The following LGALS16 variants were observed in gnomAD, a reference collection of about 807,000 sequenced individuals.
LGALS16 encodes the protein galectin 16.
LGALS16 carries 15 observed loss-of-function variants against 13.2 expected under a neutral mutation model. That is an observed-to-expected ratio of 1.13 (90% confidence interval 0.76 to 1.75). The LOEUF (loss-of-function observed/expected upper bound fraction) is 1.75. Ranked by LOEUF, LGALS16 falls within the 40% of genes most tolerant of loss-of-function variation. The pLI is 0.00. For synonymous variants in LGALS16, 66 were observed against 65.4 expected (o/e 1.01, Z -0.05); for missense variants, 198 against 178.4 (o/e 1.11, Z -0.63).
chr19:39,656,209 A>C (rs1973192923), intron 1 of LGALS16, among the ~76,000 whole-genome samples: 1 of 152,130 alleles, frequency 6.6e-6, no homozygotes, highest in Non-Finnish European at 1.5e-5. Flanking sequence ...ATCTGATGAG[A>C]GTGAACTCTG....
At position 39,660,379 on chromosome 19, in the gene LGALS16, A is replaced by G. The variant is rs1434117594; in HGVS notation, c.304-16A>G. 9.7e-6 allele frequency: 15 copies of G among 1,540,320 alleles called. No individual in the cohort carries two copies. Among genetic ancestry groups the G allele is most frequent in the Non-Finnish European group, 1.3e-5 (15 of 1,147,934 alleles). On this transcript the variant is annotated splice_polypyrimidine_tract_variant and intron_variant, in intron 3 of 3. Transcript: ENST00000392051. ...GGGTGGCATACTGTCTTTCTGATGC[A>G]TTTTTCCTCTTAAAGGTAAAGGTAA...
chr19:39,660,447 C>T lies in LGALS16; in HGVS notation c.356C>T (p.Ser119Leu). The change falls in exon 4 of 4, where the codon TCA becomes TTA. Residue 119 changes from serine to leucine, a missense_variant. Coordinates refer to ENST00000392051, the MANE Select transcript of LGALS16 (RefSeq NM_001190441.3). ...GCCTTTGTCCATCGAATCCCGCCAT[C>T]ATATGTGAAGATGATTCAAGTGTGG... The part of the protein sequence containing the change: ...IYAFVHRIPP[S>L]YVKMIQVWRD... 1 of 1,542,170 alleles carries T rather than the reference C, an allele frequency of 6.5e-7. No homozygotes were observed.
At chr19:39,657,810 C>T in intron 1 of LGALS16, 73 bp from the exon 2 acceptor site, 1 of 1,540,296 alleles carries the variant, frequency 6.5e-7, no homozygotes, top group Non-Finnish European at 8.9e-7. Context: ...CCTCCTGCAC[C>T]ATGGGAATAT....
Position 39,660,379 on chromosome 19 carries a change from AT to A in LGALS16, c.304-11del. 1 of 1,540,434 alleles carries A rather than the reference AT, an allele frequency of 6.5e-7. No homozygotes were observed. On this transcript the variant is annotated splice_polypyrimidine_tract_variant and intron_variant, in intron 3 of 3. Coordinates refer to ENST00000392051, the MANE Select transcript of LGALS16 (RefSeq NM_001190441.3). ...GGGTGGCATACTGTCTTTCTGATGC[AT>A]TTTTCCTCTTAAAGGTAAAGGTAAA...
At chr19:39,659,231 A>G (rs1045171643) in intron 3 of LGALS16, among the ~76,000 whole-genome samples, 3 of 151,664 alleles carry the variant, frequency 2.0e-5, no homozygotes, top group South Asian at 2.1e-4. Context: ...TCCCAAGTAG[A>G]TGGGATTACA....
chr19:39,657,908 T>C lies in LGALS16; in HGVS notation c.41T>C (p.Leu14Ser). 6.2e-7 allele frequency: 1 copy of C among 1,614,044 alleles called. No individual in the cohort carries two copies. The highest frequency in any genetic ancestry group is 1.1e-5 in the South Asian group (1 of 91,088). ...GTGCCATACAAACTGCCTGTGTCTT[T>C]GTCTGTTGGTTCCTGCGTGATAATC... ...LTVPYKLPVSLSVGSCVIIKG... is the reference protein window; with the variant it reads ...LTVPYKLPVSSSVGSCVIIKG... The change falls in exon 2 of 4, where the codon TTG (leucine) becomes TCG (serine). Residue 14 changes from leucine to serine, a missense_variant. Coordinates refer to ENST00000392051, the MANE Select transcript of LGALS16 (RefSeq NM_001190441.3).
Position 39,656,014 on chromosome 19 carries a change from C to G in LGALS16, c.15+38C>G, listed in dbSNP as rs780562473. ...GGCACAGCCTTCAATAATCTCAAGT[C>G]ACACAAAACCAAGAAAGATGTGGGG... On this transcript the variant is annotated intron_variant, in intron 1 of 3. Coordinates refer to ENST00000392051, the MANE Select transcript of LGALS16 (RefSeq NM_001190441.3). 3.1e-6 allele frequency: 5 copies of G among 1,605,812 alleles called. No individual in the cohort carries two copies. In the African/African-American group the frequency reaches 6.7e-5, roughly 21 times the overall value.
intron 1 of LGALS16, 130 bp from the exon 2 acceptor site, chr19:39,657,753 G>A: frequency 1.0e-6 from 1 of 1,001,230 alleles, no homozygotes; most frequent in South Asian, 1.4e-5. Flanking sequence ...CCTGACTGTG[G>A]TAGAGTGAAT....
In LGALS16 at chr19:39,658,049, G is replaced by A. The variant is rs117673731; in HGVS notation, c.92+90G>A. The A allele has an allele frequency of 3.9e-4, 578 of 1,493,478 alleles. 3 individuals carry two copies. In the African/African-American group the frequency reaches 6.7e-3, roughly 17 times the overall value. 92.5% of individuals were successfully genotyped at this position (1,493,478 alleles called of 1,614,324 possible). A position where few individuals can be genotyped will look rare whatever the true frequency, so the allele number is the denominator to read the frequency against. On this transcript the variant is annotated intron_variant, in intron 2 of 3. Transcript: ENST00000392051. ...CCTTATGTGTGGGTGATGTGGAAAT[G>A]TCTAATTGGCAGGATGGAGGCCCCA...
intron 1 of LGALS16, among the ~76,000 whole-genome samples, chr19:39,656,519 T>A (rs145553508): frequency 1.3e-5 from 2 of 152,128 alleles, no homozygotes; most frequent in Admixed American, 6.5e-5. Flanking sequence ...ACAACAGCAC[T>A]TCTGATGAAG....
At chr19:39,658,327 C>A (rs747510110) in intron 2 of LGALS16, 133 bp from the exon 3 acceptor site, 6 of 778,638 alleles carry the variant, frequency 7.7e-6, no homozygotes, top group Non-Finnish European at 1.1e-5. Flanking sequence ...AGCATCCCCA[C>A]AGGGACCAGG....
Position 39,655,945 on chromosome 19 carries a change from C to T in LGALS16, c.-17C>T. 6.2e-7 allele frequency: 1 copy of T among 1,613,474 alleles called. No individual in the cohort carries two copies. Among genetic ancestry groups the T allele is most frequent in the Non-Finnish European group, 8.5e-7 (1 of 1,179,826 alleles). On this transcript the variant is annotated 5_prime_UTR_variant, in exon 1 of 4. Transcript: ENST00000392051. Reference sequence around the variant, plus strand: ...AGACTGGACACAATTCCGAAGGTCGCCCAGAAGGAGAGGACAATGTCATTT... The same window carrying T: ...AGACTGGACACAATTCCGAAGGTCGTCCAGAAGGAGAGGACAATGTCATTT...
chr19:39,658,388 T>G, intron 2 of LGALS16, 72 bp from the exon 3 acceptor site: 1 of 1,257,684 alleles, frequency 8.0e-7, no homozygotes, highest in Non-Finnish European at 1.1e-6. Context: ...GGGGAAGGGA[T>G]TTGTGTGCGT....
At chr19:39,657,785 C>T (rs777421064) in intron 1 of LGALS16, 98 bp from the exon 2 acceptor site, 40 of 1,346,858 alleles carry the variant, frequency 3.0e-5, no homozygotes, top group Non-Finnish European at 4.2e-5. Flanking sequence ...ACAGAGCCTG[C>T]CCTGTGATCT....
chr19:39,659,066 C>T (rs1282513114), intron 3 of LGALS16, among the ~76,000 whole-genome samples: 4 of 151,894 alleles, frequency 2.6e-5, no homozygotes, highest in Non-Finnish European at 4.4e-5. Flanking sequence ...AATAACATTA[C>T]CAGAGCTCTG....
rs755042233 is a variant in LGALS16, at chr19:39,660,546, C to T, written c.*26C>T. Reference sequence around the variant, plus strand: ...TCACACTCCTCATTGTTGAGGAAACCCTCTTTCTACCTGACCATGGGATTC... The same window carrying T: ...TCACACTCCTCATTGTTGAGGAAACTCTCTTTCTACCTGACCATGGGATTC... On this transcript the variant is annotated 3_prime_UTR_variant, in exon 4 of 4. Coordinates refer to ENST00000392051, the MANE Select transcript of LGALS16 (RefSeq NM_001190441.3). The T allele has an allele frequency of 9.7e-6, 15 of 1,543,082 alleles. No homozygotes were observed. The highest frequency in any genetic ancestry group is 9.4e-5 in the South Asian group (8 of 84,896).
In LGALS16 at chr19:39,660,373, T is replaced by C. The variant is rs1481341941; in HGVS notation, c.304-22T>C. On this transcript the variant is annotated intron_variant, in intron 3 of 3. Coordinates refer to ENST00000392051, the MANE Select transcript of LGALS16 (RefSeq NM_001190441.3). ...CTTGTTGGGTGGCATACTGTCTTTCTGATGCATTTTTCCTCTTAAAGGTAA... is the reference window on the plus strand; with the variant it reads ...CTTGTTGGGTGGCATACTGTCTTTCCGATGCATTTTTCCTCTTAAAGGTAA... 4 of 1,540,156 alleles carry C rather than the reference T, an allele frequency of 2.6e-6. No homozygotes were observed. In the East Asian group the frequency reaches 7.3e-5, roughly 28 times the overall value.
rs767063992 is a variant in LGALS16, at chr19:39,658,689, C to T, written c.303+19C>T. On this transcript the variant is annotated intron_variant, in intron 3 of 3. Coordinates refer to ENST00000392051, the MANE Select transcript of LGALS16 (RefSeq NM_001190441.3). The stretch of plus-strand genomic sequence containing the variant: ...GTATGAGGTGAGCACCCCAGGAGCT[C>T]GCAGTACCCAGGCTCTTTGGGATCC... The T allele has an allele frequency of 1.0e-5, 15 of 1,502,452 alleles. No individual in the cohort carries two copies. Among genetic ancestry groups the T allele is most frequent in the Non-Finnish European group, 1.4e-5 (15 of 1,107,752 alleles). The allele number at this position is 1,502,452 out of a possible 1,614,324, so 93.1% of individuals were successfully genotyped here. A position where few individuals can be genotyped will look rare whatever the true frequency, so the allele number is the denominator to read the frequency against.
chr19:39,658,114 G>A (rs1331034181), intron 2 of LGALS16, among the ~76,000 whole-genome samples, 155 bp downstream of exon 2: 1 of 152,238 alleles, frequency 6.6e-6, no homozygotes, highest in Non-Finnish European at 1.5e-5. Context: ...CACCAGGCAT[G>A]AGACCTGCAG....
Sources: allele counts gnomAD v4.1 joint callset (sites outside exome capture counted in the v4.1 genomes callset), GRCh38; gene constraint gnomAD v4.1.1; transcripts MANE v1.5; gene names NCBI Gene and HGNC (gene_info 2026-07-23, HGNC 2026-07-21).